Variants in LRBA observed in about 807,000 individuals in gnomAD.
The protein encoded by LRBA is lipopolysaccharide-responsive and beige-like anchor protein.
Under a neutral mutation model 330.0 loss-of-function variants are expected in LRBA, and 176 were observed. The observed-to-expected ratio is 0.53, with a 90% CI of 0.47 to 0.60. The LOEUF is 0.60. Among genes scored for constraint, LRBA ranks in the 20% least tolerant of loss-of-function variants. The pLI, the probability that LRBA is intolerant of heterozygous loss-of-function variation, is 0.00. For synonymous variants in LRBA, 1,230 were observed against 1,193.0 expected, an observed-to-expected ratio of 1.03 and a Z score of -0.64; for missense variants, 3,259 against 3,444.8, an observed-to-expected ratio of 0.95 and a Z score of 1.35.
intron 47 of LRBA, among the ~76,000 whole-genome samples, chr4:150,370,177 T>C (rs138686670): frequency 6.6e-6 from 1 of 152,218 alleles, no homozygotes; most frequent in Non-Finnish European, 1.5e-5. Flanking sequence ...GCAGTTGCAC[T>C]CTTTGGTACT....
chr4:150,990,412 C>A (rs1220111245), intron 2 of LRBA, among the ~76,000 whole-genome samples: 2 of 152,110 alleles, frequency 1.3e-5, no homozygotes, highest in African/African-American at 2.4e-5. Flanking sequence ...CTCCAACACT[C>A]CAGTGTTAAG....
At chr4:150,464,406 A>G (rs947288143) in intron 44 of LRBA, among the ~76,000 whole-genome samples, 1 of 152,126 alleles carries the variant, frequency 6.6e-6, no homozygotes, top group Non-Finnish European at 1.5e-5. Flanking sequence ...AGAGCTGCCC[A>G]GTTTTTATTA....
At chr4:150,526,474 T>A (rs1223124864) in intron 40 of LRBA, among the ~76,000 whole-genome samples, 1 of 152,096 alleles carries the variant, frequency 6.6e-6, no homozygotes, top group Non-Finnish European at 1.5e-5. Flanking sequence ...TACAGAAAAA[T>A]TTGATAAGGG....
rs1436248521 is a variant in LRBA, at chr4:150,494,426, TA to T, written c.6331-3392del. ...CTTTTGTATCTATAGAGCTATATAATAAGACCTGTTGCCCATAATAGTGAAT... is the reference window on the plus strand; with the variant it reads ...CTTTTGTATCTATAGAGCTATATAATAGACCTGTTGCCCATAATAGTGAAT... On this transcript the variant is annotated intron_variant, in intron 40 of 56. Coordinates refer to ENST00000651943, the MANE Select transcript of LRBA (RefSeq NM_001364905.1). 6.6e-5 allele frequency among the ~76,000 whole-genome samples: 10 copies of T among 152,332 alleles called. No individual in the cohort carries two copies. The East Asian group carries it at 1.9e-3, about 29-fold the overall frequency.
In LRBA at chr4:150,310,381, C is replaced by T; in HGVS notation, c.7697G>A (p.Ser2566Asn). Residue 2566 changes from serine (S) to asparagine (N), a missense_variant, in exon 52 of 57, where the codon AGC becomes AAC. Transcript: ENST00000651943. ...LPVEIDPLIA[S>N]NTGMHRRQIT... ...TTGCCTCCTGTGCATTCCTGTATTG[C>T]TGGCTGTAAGAATAGGGAGGAAAAA... 2 of 1,611,584 alleles carry T rather than the reference C, an allele frequency of 1.2e-6. No homozygotes were observed. The highest frequency in any genetic ancestry group is 1.7e-6 in the Non-Finnish European group (2 of 1,178,488).
At chr4:150,522,166 C>G (rs1762983696) in intron 40 of LRBA, among the ~76,000 whole-genome samples, 1 of 152,042 alleles carries the variant, frequency 6.6e-6, no homozygotes, top group Non-Finnish European at 1.5e-5. Flanking sequence ...AGGATGGTGT[C>G]ATCTATAAGA....
intron 41 of LRBA, among the ~76,000 whole-genome samples, chr4:150,488,984 CAT>C (rs1295181326): frequency 3.6e-5 from 4 of 111,420 alleles, no homozygotes; most frequent in African/African-American, 1.0e-4. Flanking sequence ...GAATATATAA[CAT>C]ATAATATATA....
chr4:150,585,123 CAA>C (rs1771932892), intron 40 of LRBA, among the ~76,000 whole-genome samples: 1 of 152,132 alleles, frequency 6.6e-6, no homozygotes. Flanking sequence ...GAATAGTTAA[CAA>C]AGTCAGTTGA....
chr4:150,496,639 A>C (rs1440505204), intron 40 of LRBA, among the ~76,000 whole-genome samples: 1 of 152,118 alleles, frequency 6.6e-6, no homozygotes, highest in African/African-American at 2.4e-5. Flanking sequence ...GGTATTTTAA[A>C]AATTACTATT....
intron 40 of LRBA, chr4:150,579,356 G>T: frequency 2.2e-6 from 1 of 455,404 alleles, no homozygotes; most frequent in Non-Finnish European, 4.4e-6. Flanking sequence ...GGCAGCCAGA[G>T]TGAGTTGGGG....
At chr4:150,803,757 G>C (rs149159505) in intron 33 of LRBA, among the ~76,000 whole-genome samples, 2 of 152,024 alleles carry the variant, frequency 1.3e-5, no homozygotes, top group Non-Finnish European at 2.9e-5. Context: ...CTATTTTTAT[G>C]AACATCATCA....
At chr4:150,572,632 G>A (rs1366608070) in intron 40 of LRBA, among the ~76,000 whole-genome samples, 1 of 151,990 alleles carries the variant, frequency 6.6e-6, no homozygotes, top group Non-Finnish European at 1.5e-5. Context: ...TATAATTACT[G>A]ACTCCATTGC....
chr4:150,399,279 A>C (rs1400335357), intron 47 of LRBA, among the ~76,000 whole-genome samples: 2 of 152,180 alleles, frequency 1.3e-5, no homozygotes, highest in African/African-American at 4.8e-5. Context: ...TGACACACAG[A>C]GACACAAAAT....
At chr4:150,355,954 C>T (rs916476415) in intron 47 of LRBA, among the ~76,000 whole-genome samples, 16 of 152,002 alleles carry the variant, frequency 1.1e-4, no homozygotes, top group African/African-American at 3.6e-4. Flanking sequence ...CACATATACA[C>T]ACAGAGATTT....
intron 47 of LRBA, among the ~76,000 whole-genome samples, chr4:150,385,501 T>C (rs1468310205): frequency 6.6e-6 from 1 of 151,620 alleles, no homozygotes; most frequent in Admixed American, 6.6e-5. Context: ...CAGAAAAAAA[T>C]CATTTGGGAG....
intron 47 of LRBA, among the ~76,000 whole-genome samples, chr4:150,364,971 A>G (rs949518729): frequency 1.3e-5 from 2 of 151,936 alleles, no homozygotes; most frequent in Admixed American, 6.6e-5. Flanking sequence ...ATATATCATA[A>G]TATATATACA....
chr4:150,853,726 A>T (rs1488419906), intron 22 of LRBA, among the ~76,000 whole-genome samples: 1 of 152,178 alleles, frequency 6.6e-6, no homozygotes, highest in Non-Finnish European at 1.5e-5. Flanking sequence ...AAGATTTAGA[A>T]TTTTTAAAAT....
chr4:150,480,882 C>T (rs1757221083), intron 42 of LRBA, among the ~76,000 whole-genome samples: 1 of 152,142 alleles, frequency 6.6e-6, no homozygotes, highest in Non-Finnish European at 1.5e-5. Flanking sequence ...AACTGTATTA[C>T]TGCTAACTCT....
At chr4:150,536,813 T>G (rs1764702757) in intron 40 of LRBA, among the ~76,000 whole-genome samples, 1 of 152,110 alleles carries the variant, frequency 6.6e-6, no homozygotes, top group Admixed American at 6.6e-5. Flanking sequence ...AACATAACAT[T>G]GTGAAAAGAA....
Sources: gnomAD v4.1 joint callset for allele counts (sites outside exome capture counted in the v4.1 genomes callset) on GRCh38, gnomAD v4.1.1 for gene constraint, MANE v1.5 for transcripts, NCBI Gene and HGNC (gene_info 2026-07-23, HGNC 2026-07-21) for gene names.